The following TMEM161B variants were observed in gnomAD, a reference collection of about 807,000 sequenced individuals.
TMEM161B encodes transmembrane protein 161B.
A neutral mutation model predicts 61.8 loss-of-function variants in TMEM161B; 34 were observed. The ratio of observed to expected loss-of-function variants is 0.55; its 90% CI spans 0.42 to 0.73. The LOEUF (loss-of-function observed/expected upper bound fraction) is 0.73. TMEM161B is among the 30% of genes least tolerant of loss of function. TMEM161B has a pLI of 0.00. For missense variants in TMEM161B, 456 were observed against 558.5 expected (o/e 0.82, Z 1.85); for synonymous variants, 167 against 192.8 (o/e 0.87, Z 1.11).
chr5:88,202,106 ACTATTAT>A (rs1397004609), intron 9 of TMEM161B: 1 of 453,368 alleles, frequency 2.2e-6, no homozygotes, highest in Non-Finnish European at 4.4e-6. Flanking sequence ...TGAGTTAGAT[ACTATTAT>A]CTTCATCTTC....
intron 5 of TMEM161B, among the ~76,000 whole-genome samples, chr5:88,219,864 G>C (rs181653022): frequency 1.5e-3 from 232 of 152,138 alleles, no homozygotes; most frequent in African/African-American, 5.4e-3. Context: ...AATAAACCAA[G>C]GAAGAGGAAA....
intron 5 of TMEM161B, among the ~76,000 whole-genome samples, chr5:88,210,130 A>C (rs373889037): frequency 8.5e-5 from 13 of 152,276 alleles, no homozygotes; most frequent in Middle Eastern, 6.8e-3. Context: ...CTTGAAAATT[A>C]ATTTCTCTGT....
chr5:88,203,843 T>C (rs1396402094), intron 8 of TMEM161B, among the ~76,000 whole-genome samples: 1 of 137,486 alleles, frequency 7.3e-6, no homozygotes, highest in Non-Finnish European at 1.5e-5. Context: ...CAAGGCAATA[T>C]ACCTAATACA....
At chr5:88,244,772 G>A (rs1354107838) in intron 1 of TMEM161B, among the ~76,000 whole-genome samples, 1 of 151,830 alleles carries the variant, frequency 6.6e-6, no homozygotes, top group African/African-American at 2.4e-5. Flanking sequence ...TCCTATCCAA[G>A]AGCATGGAAT....
intron 1 of TMEM161B, among the ~76,000 whole-genome samples, chr5:88,253,128 A>ATTGATACACTCTTTCTT (rs1232586768): frequency 1.3e-5 from 2 of 152,112 alleles, no homozygotes; most frequent in African/African-American, 4.8e-5. Flanking sequence ...AGCTATTTTT[A>ATTGATACACTCTTTCTT]TTGATACACT....
intron 1 of TMEM161B, among the ~76,000 whole-genome samples, chr5:88,263,773 A>C (rs999701015): frequency 7.9e-5 from 12 of 152,220 alleles, no homozygotes; most frequent in Non-Finnish European, 1.6e-4. Context: ...TTTTAAGTGG[A>C]TCAAAGCCCA....
intron 5 of TMEM161B, among the ~76,000 whole-genome samples, chr5:88,210,530 TA>T (rs1746504196): frequency 1.3e-5 from 2 of 152,104 alleles, no homozygotes; most frequent in African/African-American, 4.8e-5. Flanking sequence ...AGCAGAAGAC[TA>T]AGATTTTTGC....
At position 88,268,829 on chromosome 5, in the gene TMEM161B, G is replaced by A; in HGVS notation, c.-106C>T. 5.7e-6 allele frequency: 9 copies of A among 1,584,482 alleles called. No individual in the cohort carries two copies. Among genetic ancestry groups the A allele is most frequent in the East Asian group, 2.3e-5 (1 of 44,344 alleles). ...CGAGAGACTCTCAAACAGCGAAAGA[G>A]AGGGTCTTCCGGCTCTGCCGGAAGT... On this transcript the variant is annotated 5_prime_UTR_variant, in exon 1 of 12. Transcript: ENST00000296595.
intron 5 of TMEM161B, among the ~76,000 whole-genome samples, chr5:88,211,941 TAAAG>T (rs1746886400): frequency 6.6e-6 from 1 of 151,878 alleles, no homozygotes; most frequent in Non-Finnish European, 1.5e-5. Flanking sequence ...GTTTCCAAAT[TAAAG>T]AGCCTACCAA....
intron 5 of TMEM161B, among the ~76,000 whole-genome samples, chr5:88,214,897 T>G (rs990411234): frequency 6.6e-6 from 1 of 152,204 alleles, no homozygotes; most frequent in Non-Finnish European, 1.5e-5. Context: ...AAAGCAGAGC[T>G]GATGACAAGA....
chr5:88,263,022 G>T (rs1455117264), intron 1 of TMEM161B, among the ~76,000 whole-genome samples: 1 of 151,896 alleles, frequency 6.6e-6, no homozygotes, highest in Non-Finnish European at 1.5e-5. Flanking sequence ...TTACTGTTTG[G>T]AAAGTTGACA....
intron 8 of TMEM161B, among the ~76,000 whole-genome samples, chr5:88,204,620 C>T (rs1745087617): frequency 6.6e-6 from 1 of 151,950 alleles, no homozygotes; most frequent in Non-Finnish European, 1.5e-5. Flanking sequence ...TAAATCATAA[C>T]ACTGGGGTTA....
downstream of TMEM161B, among the ~76,000 whole-genome samples, chr5:88,193,122 T>C (rs1749129535): frequency 1.3e-5 from 2 of 152,092 alleles, no homozygotes; most frequent in East Asian, 1.9e-4. Context: ...ATAATAAAAA[T>C]GCACATGGAT....
chr5:88,214,788 G>C (rs1306526852), intron 5 of TMEM161B, among the ~76,000 whole-genome samples: 1 of 152,186 alleles, frequency 6.6e-6, no homozygotes, highest in African/African-American at 2.4e-5. Flanking sequence ...TTACAAATGA[G>C]AAAGAAAGAA....
intron 2 of TMEM161B, among the ~76,000 whole-genome samples, chr5:88,238,159 G>A (rs1170796662): frequency 6.6e-6 from 1 of 151,938 alleles, no homozygotes; most frequent in Non-Finnish European, 1.5e-5. Flanking sequence ...CTTTTATAGT[G>A]TATGTTTTTA....
intron 5 of TMEM161B, among the ~76,000 whole-genome samples, chr5:88,215,638 C>T (rs905098963): frequency 6.6e-6 from 1 of 152,168 alleles, no homozygotes; most frequent in Non-Finnish European, 1.5e-5. Flanking sequence ...GATAGGGAGA[C>T]AGCCAGCGAG....
At chr5:88,230,688 C>T (rs1379561005) in intron 2 of TMEM161B, among the ~76,000 whole-genome samples, 5 of 152,184 alleles carry the variant, frequency 3.3e-5, no homozygotes, top group African/African-American at 1.2e-4. Context: ...ACCTATGCCC[C>T]TACTTGGCAA....
At chr5:88,264,938 T>TG (rs1756177295) in intron 1 of TMEM161B, among the ~76,000 whole-genome samples, 1 of 141,390 alleles carries the variant, frequency 7.1e-6, no homozygotes, top group Admixed American at 7.1e-5. Context: ...TGTCAGGGGG[T>TG]GGGGGGCAAG....
At chr5:88,242,578 C>A (rs551046512) in intron 1 of TMEM161B, among the ~76,000 whole-genome samples, 3 of 147,584 alleles carry the variant, frequency 2.0e-5, no homozygotes, top group African/African-American at 7.3e-5. Context: ...TGGTCTCCAT[C>A]ACCCACTAGC....
Sources: allele counts gnomAD v4.1 joint callset (sites outside exome capture counted in the v4.1 genomes callset), GRCh38; gene constraint gnomAD v4.1.1; transcripts MANE v1.5; gene names NCBI Gene and HGNC (gene_info 2026-07-23, HGNC 2026-07-21).